Variants in TULP4 observed in about 807,000 individuals in gnomAD.
The protein encoded by TULP4 is TUB like protein 4.
TULP4 carries 16 observed loss-of-function variants against 129.0 expected under a neutral mutation model. The observed-to-expected ratio is 0.12, with a 90% CI of 0.08 to 0.19. The LOEUF is 0.19. Among genes scored for constraint, TULP4 ranks in the 10% least tolerant of loss-of-function variants. TULP4 has a pLI of 1.00. For synonymous variants in TULP4, 998 were observed against 854.0 expected, an observed-to-expected ratio of 1.17 and a Z score of -2.94; for missense variants, 1,842 against 2,059.1, an observed-to-expected ratio of 0.89 and a Z score of 2.04.
At chr6:158,394,783 T>A (rs1409835622) in intron 1 of TULP4, among the ~76,000 whole-genome samples, 9 of 25,724 alleles carry the variant, frequency 3.5e-4, no homozygotes, top group Non-Finnish European at 6.4e-5. Context: ...CAAGGCTCTG[T>A]CTCAAAAAAA....
intron 1 of TULP4, chr6:158,242,473 C>CT: frequency 2.3e-6 from 2 of 867,106 alleles, no homozygotes; most frequent in Non-Finnish European, 2.0e-6. Flanking sequence ...CGGTGTAACA[C>CT]TTATCCATAA....
At chr6:158,312,397 C>T, upstream of TULP4, 1 of 329,432 alleles carries the variant, frequency 3.0e-6, no homozygotes, top group Non-Finnish European at 5.4e-6. Context: ...CAGATTAAAC[C>T]ACAAAAATAT....
intron 1 of TULP4, among the ~76,000 whole-genome samples, chr6:158,259,919 A>G (rs1208061473): frequency 2.3e-5 from 3 of 132,944 alleles, no homozygotes; most frequent in Admixed American, 8.3e-5. Flanking sequence ...CTCCCATGCC[A>G]TGGAGTCAGG....
intron 1 of TULP4, among the ~76,000 whole-genome samples, chr6:158,406,017 T>A (rs1777970685): frequency 6.6e-6 from 1 of 152,166 alleles, no homozygotes; most frequent in Admixed American, 6.5e-5. Flanking sequence ...CTCCTCTGAG[T>A]GTTCCACCAG....
chr6:158,342,002 T>A (rs1780191903), intron 1 of TULP4, among the ~76,000 whole-genome samples: 2 of 152,188 alleles, frequency 1.3e-5, no homozygotes, highest in Non-Finnish European at 2.9e-5. Context: ...CACTGCAACC[T>A]CTGTCTCCTG....
intron 1 of TULP4, among the ~76,000 whole-genome samples, chr6:158,260,388 A>G (rs886432858): frequency 6.6e-6 from 1 of 152,234 alleles, no homozygotes; most frequent in South Asian, 2.1e-4. Flanking sequence ...CATCCTGGCT[A>G]ACACGGTGAA....
chr6:158,392,363 A>C (rs2114951397), intron 1 of TULP4, among the ~76,000 whole-genome samples: 1 of 152,322 alleles, frequency 6.6e-6, no homozygotes, highest in South Asian at 2.1e-4. Context: ...GGGTGGAGAC[A>C]CAGCCAAACC....
intron 1 of TULP4, among the ~76,000 whole-genome samples, chr6:158,269,747 G>A (rs1011253988): frequency 2.6e-5 from 4 of 152,180 alleles, no homozygotes; most frequent in Non-Finnish European, 5.9e-5. Context: ...ACTTTACTAT[G>A]TGGGCAGGTA....
chr6:158,427,471 C>CTTTTTTTT lies in TULP4; in HGVS notation c.382-2231_382-2224dup, dbSNP rs557678837. Reference sequence around the variant, plus strand: ...AAATTCCTTTTCAAAATTATCAGACCTTTTTTTTTTTTTTTTTTTTTTTTT... The same window carrying CTTTTTTTT: ...AAATTCCTTTTCAAAATTATCAGACCTTTTTTTTTTTTTTTTTTTTTTTTTTTTTTTTT... On this transcript the variant is annotated intron_variant, in intron 2 of 13. Transcript: ENST00000367097. Among the ~76,000 whole-genome samples, 289 of 74,130 alleles carry CTTTTTTTT rather than the reference C, an allele frequency of 3.9e-3. 52 individuals carry two copies. The highest frequency in any genetic ancestry group is 8.8e-3 in the Middle Eastern group (1 of 114). 48.6% of individuals were successfully genotyped at this position (74,130 alleles called of 152,430 possible).
intron 1 of TULP4, among the ~76,000 whole-genome samples, chr6:158,369,610 G>C (rs1214240933): frequency 6.6e-6 from 1 of 152,178 alleles, no homozygotes; most frequent in Admixed American, 6.5e-5. Context: ...TTTGCACTGG[G>C]ACATTTTCAC....
intron 1 of TULP4, among the ~76,000 whole-genome samples, chr6:158,399,226 C>G (rs542108409): frequency 6.6e-6 from 1 of 152,304 alleles, no homozygotes; most frequent in Admixed American, 6.5e-5. Flanking sequence ...GCTTATCTTG[C>G]TAACCCTTGG....
intron 1 of TULP4, among the ~76,000 whole-genome samples, chr6:158,248,421 C>T (rs1778072033): frequency 6.7e-6 from 1 of 149,850 alleles, no homozygotes; most frequent in South Asian, 2.1e-4. Flanking sequence ...AGGCACCCGC[C>T]ACCACGCCCG....
chr6:158,467,608 C>T (rs1351617168), intron 6 of TULP4, among the ~76,000 whole-genome samples: 1 of 152,188 alleles, frequency 6.6e-6, no homozygotes, highest in Non-Finnish European at 1.5e-5. Flanking sequence ...CTGTTCTTCA[C>T]TTTGCAGCCA....
At chr6:158,286,842 A>G (rs531112999) in intron 1 of TULP4, among the ~76,000 whole-genome samples, 1 of 152,360 alleles carries the variant, frequency 6.6e-6, no homozygotes, top group East Asian at 1.9e-4. Flanking sequence ...TTTCTAAAAT[A>G]TGCTATTTCC....
intron 1 of TULP4, among the ~76,000 whole-genome samples, chr6:158,258,106 C>G (rs980847762): frequency 6.6e-6 from 1 of 152,144 alleles, no homozygotes; most frequent in Non-Finnish European, 1.5e-5. Context: ...CTCTATTAGT[C>G]AGGGGATTCT....
chr6:158,355,959 T>TG (rs1163886722), intron 1 of TULP4, among the ~76,000 whole-genome samples: 4 of 152,136 alleles, frequency 2.6e-5, no homozygotes, highest in Non-Finnish European at 5.9e-5. Flanking sequence ...GACTGACCAG[T>TG]GATTGCCTGG....
chr6:158,259,066 C>T (rs1778302229), intron 1 of TULP4, among the ~76,000 whole-genome samples: 1 of 152,088 alleles, frequency 6.6e-6, no homozygotes, highest in South Asian at 2.1e-4. Context: ...CCCACCTCTA[C>T]TGAAAATACA....
At chr6:158,268,029 TTTTTTC>T (rs1276326306) in intron 1 of TULP4, among the ~76,000 whole-genome samples, 17,284 of 104,886 alleles carry the variant, frequency 0.16, 1,330 homozygotes, top group Non-Finnish European at 0.24. Context: ...TTTCTTTTTC[TTTTTTC>T]TTTTTTTTTT....
intron 1 of TULP4, among the ~76,000 whole-genome samples, chr6:158,380,379 A>T (rs1474244405): frequency 1.3e-5 from 2 of 152,220 alleles, no homozygotes; most frequent in Non-Finnish European, 2.9e-5. Context: ...CTTAGCAGCC[A>T]TGTCCTCAGT....
Sources: allele counts gnomAD v4.1 joint callset (sites outside exome capture counted in the v4.1 genomes callset), GRCh38; gene constraint gnomAD v4.1.1; transcripts MANE v1.5; gene names NCBI Gene and HGNC (gene_info 2026-07-23, HGNC 2026-07-21).